Variants in MEGF11 observed in about 807,000 individuals in gnomAD.
MEGF11 encodes multiple epidermal growth factor-like domains protein 11.
In MEGF11, 126 loss-of-function variants were observed where a neutral mutation model predicts 146.6. The ratio of observed to expected loss-of-function variants is 0.86; its 90% CI spans 0.74 to 1.00. The LOEUF (loss-of-function observed/expected upper bound fraction) is 1.00, where lower values mean the gene tolerates loss of function less well. Among genes scored for constraint, MEGF11 ranks in the 50% least tolerant of loss-of-function variants. The probability of loss-of-function intolerance (pLI) is 0.00; values close to 1 mark genes in which losing one functional copy is unlikely to be tolerated. For missense variants in MEGF11, 1,509 were observed against 1,521.2 expected (o/e 0.99, Z 0.13); for synonymous variants, 532 against 583.4 (o/e 0.91, Z 1.27).
intron 8 of MEGF11, among the ~76,000 whole-genome samples, chr15:65,967,839 C>G (rs2081160491): frequency 6.6e-6 from 1 of 152,096 alleles, no homozygotes; most frequent in African/African-American, 2.4e-5. Context: ...AATAGTGGGG[C>G]AGCAGGGATC....
intron 7 of MEGF11, among the ~76,000 whole-genome samples, chr15:65,979,856 T>C (rs2081573004): frequency 1.3e-5 from 2 of 151,584 alleles, no homozygotes; most frequent in Admixed American, 1.3e-4. Flanking sequence ...GGAAGGGGAG[T>C]AATTGAGGCT....
At chr15:66,209,260 G>T (rs2091381544) in intron 1 of MEGF11, among the ~76,000 whole-genome samples, 1 of 152,028 alleles carries the variant, frequency 6.6e-6, no homozygotes, top group South Asian at 2.1e-4. Flanking sequence ...TCAGGCAAGA[G>T]AATGGCGTGA....
chr15:66,096,928 C>T (rs67774488), intron 4 of MEGF11, among the ~76,000 whole-genome samples: 14,897 of 152,200 alleles, frequency 0.098, 761 homozygotes, highest in Middle Eastern at 0.18. Flanking sequence ...GAACACCGCC[C>T]CCCACACTGC....
chr15:66,169,805 C>T (rs561594695), intron 1 of MEGF11, among the ~76,000 whole-genome samples: 4 of 152,202 alleles, frequency 2.6e-5, no homozygotes, highest in African/African-American at 4.8e-5. Flanking sequence ...CCTTCCTACC[C>T]GCAGGCGGAG....
chr15:65,922,686 G>A, intron 14 of MEGF11, 137 bp downstream of exon 14: 3 of 1,271,024 alleles, frequency 2.4e-6, no homozygotes, highest in Non-Finnish European at 3.2e-6. Context: ...GAACTGCAGA[G>A]GGAGAGACTA....
intron 5 of MEGF11, among the ~76,000 whole-genome samples, chr15:66,054,588 A>G (rs2084603202): frequency 6.6e-6 from 1 of 152,276 alleles, no homozygotes; most frequent in Non-Finnish European, 1.5e-5. Flanking sequence ...TGGCCTGGGC[A>G]GAGTGAGCGG....
intron 1 of MEGF11, among the ~76,000 whole-genome samples, chr15:66,190,930 C>T (rs906782594): frequency 6.6e-6 from 1 of 152,196 alleles, no homozygotes; most frequent in Non-Finnish European, 1.5e-5. Flanking sequence ...TATCGTCCCT[C>T]CTGCTGCAAT....
At chr15:65,991,884 A>G (rs918356764) in intron 5 of MEGF11, among the ~76,000 whole-genome samples, 9 of 152,220 alleles carry the variant, frequency 5.9e-5, no homozygotes, top group Admixed American at 4.6e-4. Flanking sequence ...GAGAGGCTCA[A>G]TGTCAAACAA....
chr15:66,079,537 A>ATCCC lies in MEGF11; in HGVS notation c.394+14864_394+14865insGGGA, dbSNP rs796735897. ...CCTCCACCTGGGAACCTTCATTCAC[A>ATCCC]CCCCCCCCCCCAGCACCCCCGCCAA... On this transcript the variant is annotated intron_variant, in intron 5 of 25. Transcript: ENST00000395614. Among the ~76,000 whole-genome samples, 3 of 122,060 alleles carry ATCCC rather than the reference A, an allele frequency of 2.5e-5. No homozygotes were observed. In the Admixed American group the frequency reaches 2.5e-4, roughly 10 times the overall value. 80.1% of individuals were successfully genotyped at this position (122,060 alleles called of 152,430 possible).
At chr15:66,100,801 C>T (rs1487757007) in intron 4 of MEGF11, among the ~76,000 whole-genome samples, 3 of 135,674 alleles carry the variant, frequency 2.2e-5, no homozygotes, top group Non-Finnish European at 3.0e-5. Context: ...GTACCAACAA[C>T]CTGATGGCAG....
chr15:66,183,238 G>T (rs999606195), intron 1 of MEGF11, among the ~76,000 whole-genome samples: 1 of 152,138 alleles, frequency 6.6e-6, no homozygotes, highest in East Asian at 1.9e-4. Flanking sequence ...GGGGGCTCAC[G>T]CCTGTAATCC....
At chr15:66,006,683 C>A (rs2082530514) in intron 5 of MEGF11, among the ~76,000 whole-genome samples, 1 of 152,190 alleles carries the variant, frequency 6.6e-6, no homozygotes, top group African/African-American at 2.4e-5. Context: ...TTGTTCCAGT[C>A]TATATCCCAG....
chr15:66,130,392 T>G (rs2088589357), intron 1 of MEGF11, among the ~76,000 whole-genome samples: 1 of 152,136 alleles, frequency 6.6e-6, no homozygotes. Context: ...ACTCATTACT[T>G]GGGCCACTCC....
intron 4 of MEGF11, among the ~76,000 whole-genome samples, chr15:66,112,327 C>A (rs1016780147): frequency 6.6e-5 from 10 of 152,020 alleles, no homozygotes; most frequent in African/African-American, 2.4e-4. Flanking sequence ...CGAAAAAGAA[C>A]CAATGGCACT....
chr15:66,141,283 T>TGAGAGA lies in MEGF11; in HGVS notation c.-8-12873_-8-12872insTCTCTC, dbSNP rs1350636670. 9.3e-3 allele frequency among the ~76,000 whole-genome samples: 839 copies of TGAGAGA among 89,962 alleles called. 9 individuals are homozygous for TGAGAGA. Among genetic ancestry groups the TGAGAGA allele is most frequent in the Non-Finnish European group, 0.015 (663 of 43,106 alleles). The allele number at this position is 89,962 out of a possible 152,430, so 59.0% of individuals were successfully genotyped here. ...GTGTGTGTGTGTGTGTGTGTGTGTG[T>TGAGAGA]GTGTGTGAGAGAGAGAGAGAGAGAG... is the stretch of plus-strand genomic sequence containing the variant. On this transcript the variant is annotated intron_variant, in intron 1 of 25. Transcript: ENST00000395614.
At chr15:66,006,284 C>T (rs936806808) in intron 5 of MEGF11, among the ~76,000 whole-genome samples, 1 of 152,150 alleles carries the variant, frequency 6.6e-6, no homozygotes, top group Non-Finnish European at 1.5e-5. Flanking sequence ...GGGACTCAGT[C>T]CCTGCCAGCT....
chr15:66,245,852 C>A lies in MEGF11; in HGVS notation c.-9+7753G>T, dbSNP rs568398355. Among the ~76,000 whole-genome samples the A allele has an allele frequency of 1.9e-4, 29 of 152,296 alleles. No homozygotes were observed. The East Asian group carries it at 5.6e-3, about 29-fold the overall frequency. On this transcript the variant is annotated intron_variant, in intron 1 of 25. Transcript: ENST00000395614. ...TCCCCCCATACACCTATGCACTATG[C>A]TCTGAGGATGGCAGAGTAGGATGCA...
chr15:65,924,574 C>T (rs1480362729), intron 13 of MEGF11, among the ~76,000 whole-genome samples: 1 of 149,510 alleles, frequency 6.7e-6, no homozygotes, highest in Non-Finnish European at 1.5e-5. Context: ...GATCCATCTT[C>T]AAGTTTCTCC....
chr15:65,997,659 G>A (rs1245935898), intron 5 of MEGF11, among the ~76,000 whole-genome samples: 1 of 152,172 alleles, frequency 6.6e-6, no homozygotes, highest in Non-Finnish European at 1.5e-5. Context: ...AGCTCCATGA[G>A]GGCAGGGGCT....
Sources: allele counts gnomAD v4.1 joint callset (sites outside exome capture counted in the v4.1 genomes callset), GRCh38; gene constraint gnomAD v4.1.1; transcripts MANE v1.5; gene names NCBI Gene and HGNC (gene_info 2026-07-23, HGNC 2026-07-21).